Variants in PLXDC2 observed in about 807,000 individuals in gnomAD.
PLXDC2 encodes the protein plexin domain-containing protein 2.
PLXDC2 carries 40 observed loss-of-function variants against 68.9 expected under a neutral mutation model. The ratio of observed to expected loss-of-function variants is 0.58; its 90% confidence interval spans 0.45 to 0.76. The LOEUF is 0.76. Among genes scored for constraint, PLXDC2 ranks in the 30% least tolerant of loss-of-function variants. The pLI, the probability that PLXDC2 is intolerant of heterozygous loss-of-function variation, is 0.00. For missense variants in PLXDC2, 644 were observed against 661.9 expected, an observed-to-expected ratio of 0.97 and a Z score of 0.30; for synonymous variants, 243 against 234.2, an observed-to-expected ratio of 1.04 and a Z score of -0.34.
chr10:20,070,929 G>A (rs762253449), intron 4 of PLXDC2: 1 of 151,316 alleles, frequency 6.6e-6, no homozygotes, highest in Non-Finnish European at 1.5e-5. Context: ...TCATCCTTGC[G>A]ATTTCAAAGT....
At chr10:20,052,868 A>G (rs1008546778) in intron 3 of PLXDC2, among the ~76,000 whole-genome samples, 1 of 152,092 alleles carries the variant, frequency 6.6e-6, no homozygotes, top group East Asian at 1.9e-4. Context: ...AGAAAAGGCA[A>G]CTTCCCACAC....
intron 12 of PLXDC2, among the ~76,000 whole-genome samples, chr10:20,223,305 G>T (rs141416967): frequency 0.019 from 2,651 of 136,728 alleles, 87 homozygotes; most frequent in African/African-American, 0.068. Context: ...CTCTTTCACA[G>T]AATTGAATTT....
rs1178652339 is a variant in PLXDC2, at chr10:19,842,815, T to C, written c.112+25624T>C. ...TCTCTCTCTTGTGAATTCTTATTAATATAGGCCATAAATGGAGCTTTCTTT... is the reference window on the plus strand; with the variant it reads ...TCTCTCTCTTGTGAATTCTTATTAACATAGGCCATAAATGGAGCTTTCTTT... On this transcript the variant is annotated intron_variant, in intron 1 of 13. Coordinates refer to ENST00000377252, the MANE Select transcript of PLXDC2 (RefSeq NM_032812.9). 3.9e-5 allele frequency among the ~76,000 whole-genome samples: 6 copies of C among 152,284 alleles called. No individual in the cohort carries two copies. The South Asian group carries it at 1.2e-3, about 32-fold the overall frequency.
chr10:19,972,280 C>A (rs761283613), intron 1 of PLXDC2, among the ~76,000 whole-genome samples: 15 of 152,254 alleles, frequency 9.9e-5, no homozygotes, highest in Non-Finnish European at 2.2e-4. Flanking sequence ...AGAATGAAAT[C>A]ATGTCCTTTG....
chr10:20,028,955 C>A (rs770129755), intron 2 of PLXDC2, among the ~76,000 whole-genome samples: 1 of 152,160 alleles, frequency 6.6e-6, no homozygotes, highest in Non-Finnish European at 1.5e-5. Flanking sequence ...CTAATTTTGG[C>A]ATATCAAACT....
rs574748352 is a variant in PLXDC2, at chr10:20,029,909, G to A, written c.325-16960G>A. Among the ~76,000 whole-genome samples the A allele has an allele frequency of 2.6e-5, 4 of 152,252 alleles. No homozygotes were observed. The South Asian group carries it at 6.2e-4, about 24-fold the overall frequency. ...CCACATCAGCTACCTGACATTAAGT[G>A]AGTTGGCAACAAGGTTTTCCCTCTT... On this transcript the variant is annotated intron_variant, in intron 2 of 13. Transcript: ENST00000377252.
At chr10:20,122,667 C>T (rs191851541) in intron 4 of PLXDC2, among the ~76,000 whole-genome samples, 1,588 of 152,248 alleles carry the variant, frequency 0.01, 46 homozygotes, top group Admixed American at 0.056. Flanking sequence ...CTGGCCGCTG[C>T]GGTTCAGGCA....
intron 2 of PLXDC2, among the ~76,000 whole-genome samples, chr10:20,014,707 T>C (rs1428494383): frequency 1.3e-5 from 2 of 152,202 alleles, no homozygotes; most frequent in Admixed American, 6.5e-5. Flanking sequence ...TCAGATAGTT[T>C]TGTTGCTGAA....
At chr10:19,887,249 A>C (rs1408854817) in intron 1 of PLXDC2, among the ~76,000 whole-genome samples, 1 of 152,228 alleles carries the variant, frequency 6.6e-6, no homozygotes, top group Admixed American at 6.5e-5. Context: ...GGCCAGGCAC[A>C]GTGGCTCATG....
At chr10:20,039,107 G>C (rs919696696) in intron 2 of PLXDC2, among the ~76,000 whole-genome samples, 2 of 152,186 alleles carry the variant, frequency 1.3e-5, no homozygotes, top group Non-Finnish European at 2.9e-5. Flanking sequence ...TCACCTGTCT[G>C]CAAGTTTAAT....
Position 19,989,002 on chromosome 10 carries a change from C to T in PLXDC2, c.113-12773C>T, listed in dbSNP as rs1834699734. Among the ~76,000 whole-genome samples the T allele has an allele frequency of 2.0e-5, 3 of 151,560 alleles. No homozygotes were observed. In the South Asian group the frequency reaches 6.2e-4, roughly 32 times the overall value. ...GTAGAGATGAAATTTCACCATATTG[C>T]CCAGTGTGGCTGGTCTCAAACTCCT... is the stretch of plus-strand genomic sequence containing the variant. On this transcript the variant is annotated intron_variant, in intron 1 of 13. Transcript: ENST00000377252.
At chr10:20,141,055 C>T (rs1348326879) in intron 4 of PLXDC2, among the ~76,000 whole-genome samples, 2 of 151,974 alleles carry the variant, frequency 1.3e-5, no homozygotes, top group East Asian at 3.9e-4. Flanking sequence ...AAAACCATAT[C>T]TATGGCTTTT....
chr10:20,169,535 C>T (rs774344911), intron 7 of PLXDC2, among the ~76,000 whole-genome samples: 1 of 152,154 alleles, frequency 6.6e-6, no homozygotes, highest in Non-Finnish European at 1.5e-5. Context: ...GATACACGCA[C>T]GATTCTCACT....
intron 1 of PLXDC2, among the ~76,000 whole-genome samples, chr10:19,952,112 G>T (rs1368638510): frequency 6.6e-6 from 1 of 152,054 alleles, no homozygotes; most frequent in African/African-American, 2.4e-5. Context: ...TACCCTTGTA[G>T]CAATCCTGCA....
intron 12 of PLXDC2, 101 bp downstream of exon 12, chr10:20,219,203 G>A: frequency 7.9e-7 from 1 of 1,260,840 alleles, no homozygotes; most frequent in Non-Finnish European, 1.1e-6. Context: ...GATAAAAGGT[G>A]AGGTTGTGTT....
chr10:20,202,617 C>G (rs1834935449), intron 9 of PLXDC2, among the ~76,000 whole-genome samples: 1 of 152,110 alleles, frequency 6.6e-6, no homozygotes. Flanking sequence ...TCTAGCATCA[C>G]TTAAGAAGTT....
intron 12 of PLXDC2, among the ~76,000 whole-genome samples, chr10:20,233,000 T>A (rs527706394): frequency 6.6e-6 from 1 of 152,276 alleles, no homozygotes; most frequent in Admixed American, 6.5e-5. Context: ...TTCTTAAAAT[T>A]CTCAAGTAAA....
intron 5 of PLXDC2, 132 bp downstream of exon 5, chr10:20,143,549 C>T (rs1293866787): frequency 1.9e-6 from 2 of 1,071,410 alleles, no homozygotes; most frequent in Non-Finnish European, 2.7e-6. Flanking sequence ...TCTGAGAGGA[C>T]AAATATTATA....
At chr10:19,990,973 A>G (rs1322219106) in intron 1 of PLXDC2, among the ~76,000 whole-genome samples, 1 of 152,208 alleles carries the variant, frequency 6.6e-6, no homozygotes, top group Non-Finnish European at 1.5e-5. Context: ...CAGGCCGGGC[A>G]TGATGGCTCA....
Sources: allele counts gnomAD v4.1 joint callset (sites outside exome capture counted in the v4.1 genomes callset), GRCh38; gene constraint gnomAD v4.1.1; transcripts MANE v1.5; gene names NCBI Gene and HGNC (gene_info 2026-07-23, HGNC 2026-07-21).